The following DCDC1 variants were observed in gnomAD, a reference collection of about 807,000 sequenced individuals.
The protein encoded by DCDC1 is doublecortin domain containing 1, also known as doublecortin domain-containing protein 1.
A neutral mutation model predicts 178.3 loss-of-function variants in DCDC1; 200 were observed. The observed-to-expected ratio is 1.12, with a 90% CI of 1.00 to 1.26. DCDC1 has a LOEUF of 1.26. Ranked by LOEUF, DCDC1 falls within the 50% of genes most tolerant of loss-of-function variation. The probability of loss-of-function intolerance (pLI) is 0.00; values close to 1 mark genes in which losing one functional copy is unlikely to be tolerated. For synonymous variants in DCDC1, 690 were observed against 604.8 expected (o/e 1.14, Z -2.07); for missense variants, 1,983 against 1,749.2 (o/e 1.13, Z -2.38).
intron 15 of DCDC1, among the ~76,000 whole-genome samples, chr11:31,099,780 G>T (rs1422903023): frequency 1.3e-5 from 2 of 149,970 alleles, no homozygotes; most frequent in African/African-American, 4.9e-5. Context: ...GTGCAGTGGC[G>T]CAATCTCGGC....
intron 23 of DCDC1, 107 bp from the exon 24 acceptor site, chr11:30,922,745 A>T: frequency 1.8e-6 from 2 of 1,116,778 alleles, no homozygotes; most frequent in African/African-American, 1.7e-5. Flanking sequence ...CTATTAATAT[A>T]ATAGGTGAAT....
intron 3 of DCDC1, among the ~76,000 whole-genome samples, chr11:31,325,904 A>AG (rs1949619941): frequency 6.6e-6 from 1 of 152,070 alleles, no homozygotes; most frequent in Non-Finnish European, 1.5e-5. Context: ...AACCTCAATC[A>AG]GGGGGGAAAT....
At chr11:31,230,164 T>C (rs190210903) in intron 9 of DCDC1, among the ~76,000 whole-genome samples, 15 of 152,146 alleles carry the variant, frequency 9.9e-5, no homozygotes, top group Non-Finnish European at 1.3e-4. Flanking sequence ...AGTTGCAGGA[T>C]ACAAAATTAA....
At chr11:31,151,189 C>G (rs1660142219) in intron 9 of DCDC1, among the ~76,000 whole-genome samples, 2 of 152,132 alleles carry the variant, frequency 1.3e-5, no homozygotes, top group African/African-American at 4.8e-5. Flanking sequence ...AACTAGGATT[C>G]AAATCCAGGC....
rs868786741 is a variant in DCDC1, at chr11:31,115,990, G to A, written c.1486-5629C>T. On this transcript the variant is annotated intron_variant, in intron 11 of 38. Transcript: ENST00000684477. Reference sequence around the variant, plus strand: ...GATATAGCTGTGGCAGTGGGGGGGGGGGGGATGGGTATCTCAGTCCTGAGA... The same window carrying A: ...GATATAGCTGTGGCAGTGGGGGGGGAGGGGATGGGTATCTCAGTCCTGAGA... Among the ~76,000 whole-genome samples, 3 of 130,224 alleles carry A rather than the reference G, an allele frequency of 2.3e-5. 1 individual carries two copies. The highest frequency in any genetic ancestry group is 5.3e-5 in the Non-Finnish European group (3 of 56,456). The allele number at this position is 130,224 out of a possible 152,430, so 85.4% of individuals were successfully genotyped here. A position where few individuals can be genotyped will look rare whatever the true frequency, so the allele number is the denominator to read the frequency against.
Position 31,118,010 on chromosome 11 carries a change from G to T in DCDC1, c.1486-7649C>A, listed in dbSNP as rs1172970649. Among the ~76,000 whole-genome samples the T allele has an allele frequency of 4.6e-5, 7 of 152,044 alleles. No individual in the cohort carries two copies. The East Asian group carries it at 1.3e-3, about 29-fold the overall frequency. The stretch of plus-strand genomic sequence containing the variant: ...TTGTAAAAAGAGCTTGGTAAATAAA[G>T]GTTTTTGGAGTTTCCTGGCACCAAT... On this transcript the variant is annotated intron_variant, in intron 11 of 38. Coordinates refer to ENST00000684477, the MANE Select transcript of DCDC1 (RefSeq NM_001387274.1).
At chr11:31,054,663 G>T (rs1955473519) in intron 20 of DCDC1, among the ~76,000 whole-genome samples, 2 of 152,154 alleles carry the variant, frequency 1.3e-5, no homozygotes, top group Admixed American at 6.5e-5. Flanking sequence ...ACAGAATAGA[G>T]AACCCAGAAA....
At chr11:31,258,944 C>G (rs999048768) in intron 8 of DCDC1, among the ~76,000 whole-genome samples, 1 of 152,132 alleles carries the variant, frequency 6.6e-6, no homozygotes. Flanking sequence ...AAGGAAAGAA[C>G]ATTAAGATGT....
intron 11 of DCDC1, among the ~76,000 whole-genome samples, chr11:31,126,246 C>T (rs1961598517): frequency 6.6e-6 from 1 of 152,150 alleles, no homozygotes; most frequent in Non-Finnish European, 1.5e-5. Flanking sequence ...TGGTTTCTCT[C>T]TTAATCAATA....
intron 15 of DCDC1, among the ~76,000 whole-genome samples, chr11:31,096,083 G>T (rs564261820): frequency 6.6e-6 from 1 of 152,108 alleles, no homozygotes; most frequent in East Asian, 1.9e-4. Flanking sequence ...GTGTGATCAG[G>T]TACTATCATA....
intron 20 of DCDC1, 84 bp from the exon 21 acceptor site, chr11:30,952,652 A>G (rs1948500834): frequency 3.7e-6 from 2 of 540,332 alleles, no homozygotes; most frequent in Admixed American, 3.5e-5. Flanking sequence ...TTGAGTACTT[A>G]CTATACACTA....
At chr11:31,305,893 TAC>T (rs1948426047) in intron 5 of DCDC1, 116 bp from the exon 6 acceptor site, 3 of 1,204,150 alleles carry the variant, frequency 2.5e-6, no homozygotes, top group African/African-American at 1.5e-5. Flanking sequence ...CACTTGCCAA[TAC>T]AGTTATTTTC....
At chr11:31,185,117 G>A (rs1259074203) in intron 9 of DCDC1, among the ~76,000 whole-genome samples, 1 of 152,232 alleles carries the variant, frequency 6.6e-6, no homozygotes, top group Non-Finnish European at 1.5e-5. Flanking sequence ...CAGGGACATG[G>A]ATAAAGCTGG....
intron 9 of DCDC1, among the ~76,000 whole-genome samples, chr11:31,192,793 CATTATTT>C (rs1289241650): frequency 6.6e-6 from 1 of 152,044 alleles, no homozygotes; most frequent in Admixed American, 6.6e-5. Context: ...GCTGGTAAAA[CATTATTT>C]CCGGTTTTGT....
intron 21 of DCDC1, among the ~76,000 whole-genome samples, chr11:30,948,669 G>T (rs1438391313): frequency 6.6e-6 from 1 of 152,048 alleles, no homozygotes; most frequent in Admixed American, 6.6e-5. Flanking sequence ...ACAGACCAAT[G>T]GAACAGAACG....
chr11:30,944,052 A>C, intron 21 of DCDC1: 3 of 247,974 alleles, frequency 1.2e-5, no homozygotes, highest in Middle Eastern at 1.6e-3. Context: ...TCCTAGATTT[A>C]GTATTTTTAC....
At chr11:31,360,456 C>T (rs1458204767) in intron 1 of DCDC1, among the ~76,000 whole-genome samples, 3 of 152,220 alleles carry the variant, frequency 2.0e-5, no homozygotes, top group Middle Eastern at 3.4e-3. Context: ...CCTATATATA[C>T]TATGTTTTTT....
intron 9 of DCDC1, among the ~76,000 whole-genome samples, chr11:31,230,234 G>A (rs1285303002): frequency 1.3e-5 from 2 of 151,484 alleles, no homozygotes; most frequent in Admixed American, 1.3e-4. Flanking sequence ...AGGAAATTAA[G>A]AAAACAATGT....
Position 31,241,572 on chromosome 11 carries a change from G to C in DCDC1, c.1099C>G (p.Arg367Gly), listed in dbSNP as rs957837964. Residue 367 changes from arginine to glycine, a missense_variant, in exon 9 of 39, where the codon CGA (arginine) becomes GGA (glycine). Transcript: ENST00000684477. ...KCLQNSITPL[R>G]GLLWVSKGEG... is the part of the protein sequence containing the mutation. ...CCCTTAGAGACCCAAAGTAGTCCTCGCAAAGGTGTGATGGAATTTTGCAGG... is the reference window on the plus strand; with the variant it reads ...CCCTTAGAGACCCAAAGTAGTCCTCCCAAAGGTGTGATGGAATTTTGCAGG... 2 of 397,254 alleles carry C rather than the reference G, an allele frequency of 5.0e-6. No individual in the cohort carries two copies. The highest frequency in any genetic ancestry group is 4.4e-5 in the Admixed American group (1 of 22,594). The allele number at this position is 397,254 out of a possible 1,614,324, so 24.6% of individuals were successfully genotyped here. A position where few individuals can be genotyped will look rare whatever the true frequency, so the allele number is the denominator to read the frequency against.
Sources: allele counts gnomAD v4.1 joint callset (sites outside exome capture counted in the v4.1 genomes callset), GRCh38; gene constraint gnomAD v4.1.1; transcripts MANE v1.5; gene names NCBI Gene and HGNC (gene_info 2026-07-23, HGNC 2026-07-21).